The following KIR3DL2 variants were observed in gnomAD, a reference collection of about 807,000 sequenced individuals.
The protein encoded by KIR3DL2 is killer cell immunoglobulin-like receptor 3DL2.
In KIR3DL2, 42 loss-of-function variants were observed where a neutral mutation model predicts 41.6. That is an observed-to-expected ratio of 1.01 (90% confidence interval 0.79 to 1.31). The LOEUF (loss-of-function observed/expected upper bound fraction) is 1.31, where lower values mean the gene tolerates loss of function less well. Ranked by LOEUF, KIR3DL2 falls within the 50% of genes most tolerant of loss-of-function variation. KIR3DL2 has a pLI of 0.00. For missense variants in KIR3DL2, 728 were observed against 576.8 expected (o/e 1.26, Z -2.68); for synonymous variants, 230 against 221.3 (o/e 1.04, Z -0.35).
chr19:54,864,563 G>C (rs906435231), intron 6 of KIR3DL2, among the ~76,000 whole-genome samples: 1 of 151,880 alleles, frequency 6.6e-6, no homozygotes, highest in Non-Finnish European at 1.5e-5. Context: ...TCCTTGAAGA[G>C]GTCCTTCATA....
chr19:54,859,947 T>G (rs1317906656), intron 6 of KIR3DL2, among the ~76,000 whole-genome samples: 1 of 151,904 alleles, frequency 6.6e-6, no homozygotes, highest in African/African-American at 2.4e-5. Flanking sequence ...CTCAGACCCT[T>G]CTTCCTTACC....
chr19:54,853,286 C>T (rs1268985741), intron 3 of KIR3DL2, among the ~76,000 whole-genome samples: 1 of 151,586 alleles, frequency 6.6e-6, no homozygotes, highest in African/African-American at 2.4e-5. Context: ...ATGGAGAAGG[C>T]ACAGACATGG....
At chr19:54,854,491 T>A (rs2145599960) in intron 4 of KIR3DL2, among the ~76,000 whole-genome samples, 1 of 151,914 alleles carries the variant, frequency 6.6e-6, no homozygotes, top group African/African-American at 2.4e-5. Context: ...AGATGCCATG[T>A]TTATTCTGAC....
intron 8 of KIR3DL2, 47 bp from the exon 9 acceptor site, chr19:54,866,475 T>C (rs1346685982): frequency 3.7e-6 from 6 of 1,613,970 alleles, no homozygotes; most frequent in Non-Finnish European, 5.1e-6. Context: ...CTAATAGTCC[T>C]GAAAAATGTG....
Position 54,867,105 on chromosome 19 carries a change from C to G in KIR3DL2, c.*374C>G. Reference sequence around the variant, plus strand: ...ACCTTCCCTCATGCTGTTCCACCTCCCCTCAGACTATCTTTCAGCCTTCTG... The same window carrying G: ...ACCTTCCCTCATGCTGTTCCACCTCGCCTCAGACTATCTTTCAGCCTTCTG... On this transcript the variant is annotated 3_prime_UTR_variant, in exon 9 of 9. Transcript: ENST00000326321. 1 of 259,800 alleles carries G rather than the reference C, an allele frequency of 3.8e-6. No individual in the cohort carries two copies. The highest frequency in any genetic ancestry group is 7.2e-6 in the Non-Finnish European group (1 of 138,944). 16.1% of individuals were successfully genotyped at this position (259,800 alleles called of 1,614,324 possible).
intron 6 of KIR3DL2, among the ~76,000 whole-genome samples, chr19:54,861,300 C>A (rs1192326048): frequency 6.6e-6 from 1 of 151,768 alleles, no homozygotes; most frequent in African/African-American, 2.4e-5. Flanking sequence ...CAATACCTGG[C>A]AGAGGAGGGA....
rs2064713539 is a variant in KIR3DL2 at position 54,855,800 on chromosome 19, C to G, written c.837C>G (p.Asp279Glu). 1 of 1,613,494 alleles carries G rather than the reference C, an allele frequency of 6.2e-7. No individual in the cohort carries two copies. The highest frequency in any genetic ancestry group is 1.3e-5 in the African/African-American group (1 of 74,574). The change falls in exon 5 of 9, where the codon GAC becomes GAG. Residue 279 changes from aspartate to glutamate, a missense_variant. Transcript: ENST00000326321. ...AGGTCAACAGAACATTCCAGGCAGA[C>G]TTTCCTCTGGGCCCTGCCACCCACG... ...VPKVNRTFQA[D>E]FPLGPATHGG...
chr19:54,857,217 A>G (rs76418659), intron 5 of KIR3DL2, among the ~76,000 whole-genome samples: 27,046 of 147,202 alleles, frequency 0.18, 3,238 homozygotes, highest in East Asian at 0.55. Context: ...AGCCTCCCTA[A>G]TAGCTGTGAT....
chr19:54,856,643 C>T (rs2064803049), intron 5 of KIR3DL2, among the ~76,000 whole-genome samples: 1 of 152,016 alleles, frequency 6.6e-6, no homozygotes. Context: ...GAGATCATGC[C>T]ACTGCACTGC....
Position 54,859,071 on chromosome 19 carries a change from T to C in KIR3DL2, c.950-8T>C. ...ATTTCCTCACATCTCTCCTGTCCCGTGTTCTAGGAAACCCTTCAAGTAGTT... is the reference window on the plus strand; with the variant it reads ...ATTTCCTCACATCTCTCCTGTCCCGCGTTCTAGGAAACCCTTCAAGTAGTT... On this transcript the variant is annotated splice_region_variant and splice_polypyrimidine_tract_variant and intron_variant, in intron 5 of 8. Transcript: ENST00000326321. The C allele has an allele frequency of 6.2e-7, 1 of 1,613,696 alleles. No individual in the cohort carries two copies. The highest frequency in any genetic ancestry group is 8.5e-7 in the Non-Finnish European group (1 of 1,179,732).
At chr19:54,851,383 C>T in intron 2 of KIR3DL2, 128 bp downstream of exon 2, 1 of 985,604 alleles carries the variant, frequency 1.0e-6, no homozygotes, top group Non-Finnish European at 1.5e-6. Flanking sequence ...ACTCGGCCCA[C>T]ATTTCTGACC....
chr19:54,851,886 C>T (rs2064274923), intron 2 of KIR3DL2, 112 bp from the exon 3 acceptor site: 9 of 1,366,568 alleles, frequency 6.6e-6, no homozygotes, highest in Admixed American at 3.8e-5. Context: ...GCCCTGGGCA[C>T]CCAGGTGTGG....
chr19:54,851,120 C>T lies in KIR3DL2; in HGVS notation c.35-100C>T, dbSNP rs376074601. On this transcript the variant is annotated intron_variant, in intron 1 of 8. Transcript: ENST00000326321. ...CAGGGAGGCTAAGTTTACCTTCAGC[C>T]CAGCAAGGGCCTGGCTGCCAAGACA... 8.0e-5 allele frequency: 117 copies of T among 1,465,302 alleles called. No individual in the cohort carries two copies. In the East Asian group the frequency reaches 1.9e-3, roughly 23 times the overall value. 90.8% of individuals were successfully genotyped at this position (1,465,302 alleles called of 1,614,324 possible). A position where few individuals can be genotyped will look rare whatever the true frequency, so the allele number is the denominator to read the frequency against.
chr19:54,853,927 A>G lies in KIR3DL2; in HGVS notation c.536A>G (p.Asn179Ser), dbSNP rs1202211319. 4.3e-6 allele frequency: 7 copies of G among 1,613,370 alleles called. No homozygotes were observed. Among genetic ancestry groups the G allele is most frequent in the Middle Eastern group, 1.6e-4 (1 of 6,062 alleles). The part of the protein sequence containing the change: ...GQIHDGVSKA[N>S]FSIGPLMPVL... Reference sequence around the variant, plus strand: ...ATCCATGATGGGGTCTCCAAGGCCAACTTCTCCATCGGTCCCTTGATGCCT... The same window carrying G: ...ATCCATGATGGGGTCTCCAAGGCCAGCTTCTCCATCGGTCCCTTGATGCCT... The change falls in exon 4 of 9, where the codon AAC (asparagine) becomes AGC (serine). Residue 179 changes from asparagine to serine, a missense_variant. Asn to Ser is a conservative substitution (Grantham distance 46). Coordinates refer to ENST00000326321, the MANE Select transcript of KIR3DL2 (RefSeq NM_006737.4).
At position 54,853,815 on chromosome 19, in the gene KIR3DL2, C is replaced by T; in HGVS notation, c.424C>T (p.Leu142=). The T allele has an allele frequency of 6.2e-7, 1 of 1,612,826 alleles. No individual in the cohort carries two copies. The highest frequency in any genetic ancestry group is 8.5e-7 in the Non-Finnish European group (1 of 1,179,442). The change falls in exon 4 of 9, where the codon CTG becomes TTG. Residue 142 remains leucine (L), a synonymous_variant. Transcript: ENST00000326321. Reference sequence around the variant, plus strand: ...GCTGAAATCAGGAGAGACAGTCATCCTGCAATGTTGGTCAGATGTCATGTT... The same window carrying T: ...GCTGAAATCAGGAGAGACAGTCATCTTGCAATGTTGGTCAGATGTCATGTT... ...PLLKSGETVI[L]QCWSDVMFEH... is the part of the protein sequence containing the mutation.
intron 6 of KIR3DL2, among the ~76,000 whole-genome samples, chr19:54,864,481 AC>A (rs1245734459): frequency 6.6e-6 from 1 of 151,930 alleles, no homozygotes; most frequent in African/African-American, 2.4e-5. Flanking sequence ...GATTCTTCCT[AC>A]CCATGAGCAT....
intron 7 of KIR3DL2, 110 bp from the exon 8 acceptor site, chr19:54,866,260 C>T: frequency 1.9e-6 from 2 of 1,072,132 alleles, no homozygotes; most frequent in South Asian, 1.4e-5. Context: ...ATGTTGGCAG[C>T]TGAAGAGCCT....
Position 54,855,748 on chromosome 19 carries a change from A to T in KIR3DL2, c.785A>T (p.His262Leu). Reference protein sequence around the residue: ...IYHLSREGEAHERRLRAVPKV... With the variant: ...IYHLSREGEALERRLRAVPKV... ...CATCTGTCCAGGGAAGGGGAGGCCC[A>T]TGAACGTAGGCTCCGTGCAGTGCCC... Residue 262 changes from histidine to leucine, a missense_variant, in exon 5 of 9, where the codon CAT becomes CTT. His to Leu is a moderately conservative substitution (Grantham distance 99, BLOSUM62 -3). Coordinates refer to ENST00000326321, the MANE Select transcript of KIR3DL2 (RefSeq NM_006737.4). 2 of 1,613,550 alleles carry T rather than the reference A, an allele frequency of 1.2e-6. No homozygotes were observed. The highest frequency in any genetic ancestry group is 1.7e-6 in the Non-Finnish European group (2 of 1,179,940).
In KIR3DL2 at chr19:54,850,548, A is replaced by T. The variant is rs201256616; in HGVS notation, c.34+39A>T. ...GGGAATAGAGGGAGGGAGAGTGGGG[A>T]TGGAGATCTCGGCCTAGAGGTAAAG... On this transcript the variant is annotated intron_variant, in intron 1 of 8. Transcript: ENST00000326321. 526 of 1,604,542 alleles carry T rather than the reference A, an allele frequency of 3.3e-4. 1 individual carries two copies. The highest frequency in any genetic ancestry group is 4.1e-4 in the Non-Finnish European group (488 of 1,177,856).
Sources: gnomAD v4.1 joint callset for allele counts (sites outside exome capture counted in the v4.1 genomes callset) on GRCh38, gnomAD v4.1.1 for gene constraint, MANE v1.5 for transcripts, NCBI Gene and HGNC (gene_info 2026-07-23, HGNC 2026-07-21) for gene names.